Variants in VAV3 observed in about 807,000 individuals in gnomAD.
VAV3 encodes guanine nucleotide exchange factor VAV3.
In VAV3, 94 loss-of-function variants were observed where a neutral mutation model predicts 131.2. That is an observed-to-expected ratio of 0.72 (90% CI 0.61 to 0.85). The LOEUF (loss-of-function observed/expected upper bound fraction) is 0.85. Among genes scored for constraint, VAV3 ranks in the 40% least tolerant of loss-of-function variants. The pLI, the probability that VAV3 is intolerant of heterozygous loss-of-function variation, is 0.00. For synonymous variants in VAV3, 349 were observed against 342.0 expected (o/e 1.02, Z -0.22); for missense variants, 939 against 1,002.7 (o/e 0.94, Z 0.86).
chr1:107,777,377 C>A, intron 3 of VAV3, 81 bp from the exon 4 acceptor site: 1 of 1,268,888 alleles, frequency 7.9e-7, no homozygotes, highest in South Asian at 1.2e-5. Flanking sequence ...ACTTAACCCT[C>A]ACTAAATATG....
chr1:107,702,440 T>C (rs1660191804), intron 17 of VAV3, among the ~76,000 whole-genome samples: 1 of 152,036 alleles, frequency 6.6e-6, no homozygotes. Context: ...AAAGGGTAAG[T>C]AAATGGAGTT....
chr1:107,679,209 A>G (rs1394683497), intron 19 of VAV3, among the ~76,000 whole-genome samples: 1 of 152,188 alleles, frequency 6.6e-6, no homozygotes, highest in Non-Finnish European at 1.5e-5. Flanking sequence ...CTCTGCTACA[A>G]AACAGTAAGA....
chr1:107,961,587 C>G (rs1445300917), intron 1 of VAV3, among the ~76,000 whole-genome samples: 1 of 152,152 alleles, frequency 6.6e-6, no homozygotes, highest in Non-Finnish European at 1.5e-5. Context: ...ATAAGAGGAA[C>G]ATGTTAAATG....
chr1:107,897,466 A>G (rs1456521860), intron 1 of VAV3, among the ~76,000 whole-genome samples: 2 of 151,840 alleles, frequency 1.3e-5, no homozygotes, highest in Non-Finnish European at 1.5e-5. Flanking sequence ...GGACCCAGAA[A>G]GGGCATATGG....
chr1:107,834,602 G>A (rs1009801688), intron 2 of VAV3, among the ~76,000 whole-genome samples: 2 of 151,494 alleles, frequency 1.3e-5, no homozygotes, highest in African/African-American at 2.4e-5. Context: ...TACCTTAATG[G>A]GAGGAATGGG....
chr1:107,693,552 T>C (rs1659566904), intron 17 of VAV3, among the ~76,000 whole-genome samples: 1 of 152,114 alleles, frequency 6.6e-6, no homozygotes, highest in Admixed American at 6.6e-5. Context: ...ATAGAAGGTT[T>C]TCCAACCCAA....
rs552775939 is a variant in VAV3, at chr1:107,655,287, T to C, written c.1778-12532A>G. The stretch of plus-strand genomic sequence containing the variant: ...GCATAAAAACAGACACATAGACCAA[T>C]GGAACAGATAGAAACTCAGATATAA... On this transcript the variant is annotated intron_variant, in intron 19 of 26. Coordinates refer to ENST00000370056, the MANE Select transcript of VAV3 (RefSeq NM_006113.5). Among the ~76,000 whole-genome samples the C allele has an allele frequency of 9.2e-5, 14 of 152,076 alleles. No individual in the cohort carries two copies. In the South Asian group the frequency reaches 2.7e-3, roughly 29 times the overall value.
chr1:107,576,111 A>G (rs1649626690), intron 25 of VAV3, among the ~76,000 whole-genome samples: 1 of 152,088 alleles, frequency 6.6e-6, no homozygotes, highest in Admixed American at 6.6e-5. Flanking sequence ...TAGATTTTTC[A>G]TCCCCCTTTA....
Position 107,813,352 on chromosome 1 carries a change from T to C in VAV3, c.322-33860A>G, listed in dbSNP as rs1667411995. 3.9e-5 allele frequency among the ~76,000 whole-genome samples: 6 copies of C among 152,142 alleles called. No individual in the cohort carries two copies. The South Asian group carries it at 1.2e-3, about 31-fold the overall frequency. ...AGGAGACAGCATGAGCAAAGCAAAC[T>C]TACTCCTCCATATTGCCTCTTAGCA... On this transcript the variant is annotated intron_variant, in intron 2 of 26. Coordinates refer to ENST00000370056, the MANE Select transcript of VAV3 (RefSeq NM_006113.5).
At chr1:107,749,424 T>C (rs745717918) in intron 14 of VAV3, 38 bp downstream of exon 14, 1 of 1,564,138 alleles carries the variant, frequency 6.4e-7, no homozygotes. Flanking sequence ...TGTTCAAGAT[T>C]ATAAGTAAAT....
chr1:107,798,718 CAAAAA>C (rs57288177), intron 2 of VAV3, among the ~76,000 whole-genome samples: 79 of 49,530 alleles, frequency 1.6e-3, no homozygotes, highest in Non-Finnish European at 1.3e-3. Context: ...GACTCCCTCT[CAAAAA>C]AAAAAAAAAA....
chr1:107,939,891 G>A (rs1350215447), intron 1 of VAV3, among the ~76,000 whole-genome samples: 1 of 152,098 alleles, frequency 6.6e-6, no homozygotes, highest in African/African-American at 2.4e-5. Context: ...AGGAGGAAGA[G>A]TAAGACAGGA....
chr1:107,962,796 G>A (rs1357208589), intron 1 of VAV3, among the ~76,000 whole-genome samples: 1 of 152,182 alleles, frequency 6.6e-6, no homozygotes, highest in Non-Finnish European at 1.5e-5. Context: ...GAACTCAAAA[G>A]TGCAACGGCA....
intron 2 of VAV3, among the ~76,000 whole-genome samples, chr1:107,864,253 A>G (rs574013124): frequency 1.3e-5 from 2 of 152,350 alleles, no homozygotes; most frequent in South Asian, 4.1e-4. Context: ...GAGTAGCCCA[A>G]GGGGATCTAC....
At chr1:107,742,984 C>G (rs1344357744) in intron 15 of VAV3, among the ~76,000 whole-genome samples, 3 of 152,124 alleles carry the variant, frequency 2.0e-5, no homozygotes, top group Non-Finnish European at 4.4e-5. Flanking sequence ...ACTCAAAGAA[C>G]AGGAGGAAAG....
intron 1 of VAV3, among the ~76,000 whole-genome samples, chr1:107,933,333 G>A (rs1673547418): frequency 6.6e-6 from 1 of 151,190 alleles, no homozygotes; most frequent in African/African-American, 2.4e-5. Context: ...AAACTATTTG[G>A]TCCTCCTCTA....
chr1:107,851,294 A>G (rs1332410389), intron 2 of VAV3, among the ~76,000 whole-genome samples: 1 of 151,446 alleles, frequency 6.6e-6, no homozygotes, highest in African/African-American at 2.4e-5. Context: ...CATCTGTATC[A>G]TCTGGCCTTA....
intron 2 of VAV3, among the ~76,000 whole-genome samples, chr1:107,794,834 G>C (rs1666461865): frequency 6.6e-6 from 1 of 152,306 alleles, no homozygotes; most frequent in East Asian, 1.9e-4. Flanking sequence ...CTGGCACAGA[G>C]AAAATAATCC....
intron 19 of VAV3, among the ~76,000 whole-genome samples, chr1:107,670,418 T>C (rs1232054587): frequency 6.6e-6 from 1 of 152,164 alleles, no homozygotes; most frequent in Non-Finnish European, 1.5e-5. Flanking sequence ...TAAATTTACA[T>C]AACATTATCA....
Sources: allele counts gnomAD v4.1 joint callset (sites outside exome capture counted in the v4.1 genomes callset), GRCh38; gene constraint gnomAD v4.1.1; transcripts MANE v1.5; gene names NCBI Gene and HGNC (gene_info 2026-07-23, HGNC 2026-07-21).